Variants in NR1H3 observed in about 807,000 individuals in gnomAD.
NR1H3 encodes the protein nuclear receptor subfamily 1 group H member 3.
NR1H3 carries 19 observed loss-of-function variants against 48.1 expected under a neutral mutation model. That is an observed-to-expected ratio of 0.40 (90% confidence interval 0.28 to 0.58). The LOEUF is 0.58. Ranked by LOEUF, NR1H3 falls within the 20% of genes least tolerant of loss-of-function variation. NR1H3 has a pLI of 0.50. For missense variants in NR1H3, 486 were observed against 595.9 expected (o/e 0.82, Z 1.92); for synonymous variants, 232 against 227.3 (o/e 1.02, Z -0.19).
intron 7 of NR1H3, among the ~76,000 whole-genome samples, chr11:47,266,016 G>C (rs1383368742): frequency 2.6e-5 from 4 of 152,094 alleles, no homozygotes; most frequent in Non-Finnish European, 5.9e-5. Context: ...CTTACACAAG[G>C]TCACACTGCC....
chr11:47,260,904 G>A (rs1034728027), intron 4 of NR1H3, among the ~76,000 whole-genome samples: 1 of 152,092 alleles, frequency 6.6e-6, no homozygotes, highest in Non-Finnish European at 1.5e-5. Context: ...GGCCAACATA[G>A]TGAAACCCCG....
intron 6 of NR1H3, 86 bp from the exon 7 acceptor site, chr11:47,261,833 A>G (rs1955907049): frequency 4.4e-6 from 7 of 1,595,558 alleles, no homozygotes; most frequent in Non-Finnish European, 6.0e-6. Flanking sequence ...GGAAGCAGGG[A>G]TGAGGAGAAT....
intron 8 of NR1H3, 64 bp downstream of exon 8, chr11:47,268,090 A>C: frequency 9.6e-6 from 10 of 1,046,694 alleles, no homozygotes; most frequent in Non-Finnish European, 1.3e-5. Context: ...CAGGTCCCAC[A>C]GGAATCGGTG....
At chr11:47,248,546 G>C (rs1565168848), upstream of NR1H3, 4 of 1,551,588 alleles carry the variant, frequency 2.6e-6, no homozygotes, top group Non-Finnish European at 1.7e-6. Flanking sequence ...CCTGAATCCA[G>C]CCTCCCAACT....
intron 7 of NR1H3, among the ~76,000 whole-genome samples, chr11:47,263,064 T>C (rs1393017270): frequency 2.0e-5 from 3 of 152,188 alleles, no homozygotes; most frequent in African/African-American, 7.2e-5. Context: ...CACAGGAATG[T>C]CCTTCATCTT....
intron 1 of NR1H3, chr11:47,250,700 C>T (rs1365858163): frequency 1.3e-5 from 2 of 152,200 alleles, no homozygotes; most frequent in Non-Finnish European, 2.9e-5. Context: ...CATATAATCC[C>T]AAATGGTTCA....
upstream of NR1H3, among the ~76,000 whole-genome samples, chr11:47,256,920 C>T (rs965132303): frequency 1.6e-4 from 24 of 151,830 alleles, no homozygotes; most frequent in African/African-American, 4.8e-4. Context: ...TTAGGAGAGA[C>T]GGGGTTTCAC....
intron 9 of NR1H3, 87 bp from the exon 10 acceptor site, chr11:47,268,463 C>G: frequency 6.3e-7 from 1 of 1,591,974 alleles, no homozygotes; most frequent in Non-Finnish European, 8.6e-7. Context: ...GCTGTGCAGA[C>G]AATTCACCTC....
At chr11:47,252,322 C>T (rs1190486143) in intron 1 of NR1H3, among the ~76,000 whole-genome samples, 3 of 152,014 alleles carry the variant, frequency 2.0e-5, no homozygotes, top group African/African-American at 4.8e-5. Context: ...AGTGCAATGG[C>T]GTTATCTCGG....
At chr11:47,259,328 C>T (rs752618088) in intron 2 of NR1H3, 69 bp downstream of exon 2, 30 of 1,608,728 alleles carry the variant, frequency 1.9e-5, no homozygotes, top group South Asian at 1.4e-4. Flanking sequence ...AGGAATCAGC[C>T]TCCTTCATTA....
At chr11:47,255,637 C>A (rs1328663903), upstream of NR1H3, among the ~76,000 whole-genome samples, 2 of 115,696 alleles carry the variant, frequency 1.7e-5, no homozygotes, top group Admixed American at 9.1e-5. Context: ...TTCTTTCTTT[C>A]TTTCTTTCTT....
upstream of NR1H3, among the ~76,000 whole-genome samples, chr11:47,255,569 C>CTT (rs1261649370): frequency 2.3e-5 from 2 of 88,040 alleles, no homozygotes; most frequent in Middle Eastern, 4.4e-3. Flanking sequence ...TTCTTTCTTT[C>CTT]TTTCTTTCTT....
chr11:47,251,457 C>A (rs1252562189), intron 1 of NR1H3, among the ~76,000 whole-genome samples: 2 of 151,728 alleles, frequency 1.3e-5, no homozygotes, highest in African/African-American at 4.8e-5. Flanking sequence ...ACTAAAAATA[C>A]AAAAATTAGC....
At chr11:47,248,321 T>C, upstream of NR1H3, 1 of 1,058,600 alleles carries the variant, frequency 9.4e-7, no homozygotes, top group Middle Eastern at 2.1e-4. Flanking sequence ...AGCTAAGCAA[T>C]GCTACTGGAG....
At chr11:47,268,527 G>C in intron 9 of NR1H3, 23 bp from the exon 10 acceptor site, 1 of 1,614,106 alleles carries the variant, frequency 6.2e-7, no homozygotes, top group Non-Finnish European at 8.5e-7. Context: ...CAAAAGCTGT[G>C]TTTGTCTCTC....
chr11:47,259,208 C>T lies in NR1H3; in HGVS notation c.-9C>T. ...AGTGCCTTGGTAATGACCAGGGCTCCAGGAAGAGATGTCCTTGTGGCTGGG... is the reference window on the plus strand; with the variant it reads ...AGTGCCTTGGTAATGACCAGGGCTCTAGGAAGAGATGTCCTTGTGGCTGGG... On this transcript the variant is annotated 5_prime_UTR_variant, in exon 2 of 10. Transcript: ENST00000441012. 6.2e-7 allele frequency: 1 copy of T among 1,614,132 alleles called. No homozygotes were observed. The highest frequency in any genetic ancestry group is 8.5e-7 in the Non-Finnish European group (1 of 1,180,008).
upstream of NR1H3, chr11:47,248,845 G>T (rs1402040412): frequency 6.4e-7 from 1 of 1,553,148 alleles, no homozygotes; most frequent in Non-Finnish European, 8.7e-7. Context: ...GCACCTGCAA[G>T]CAGCCGCCCG....
At chr11:47,251,787 A>T (rs1954677564) in intron 1 of NR1H3, among the ~76,000 whole-genome samples, 1 of 152,164 alleles carries the variant, frequency 6.6e-6, no homozygotes, top group Admixed American at 6.5e-5. Flanking sequence ...GCTATCTCTC[A>T]AATTCAGCTT....
chr11:47,248,841 G>A (rs932091452), upstream of NR1H3: 8 of 1,553,788 alleles, frequency 5.1e-6, no homozygotes, highest in Non-Finnish European at 7.0e-6. Context: ...GGTGGCACCT[G>A]CAAGCAGCCG....
Sources: gnomAD v4.1 joint callset for allele counts (sites outside exome capture counted in the v4.1 genomes callset) on GRCh38, gnomAD v4.1.1 for gene constraint, MANE v1.5 for transcripts, NCBI Gene and HGNC (gene_info 2026-07-23, HGNC 2026-07-21) for gene names.